Variants in ICA1 observed in about 807,000 individuals in gnomAD.
ICA1 encodes 69 kDa islet cell autoantigen.
ICA1 carries 40 observed loss-of-function variants against 71.0 expected under a neutral mutation model. That is an observed-to-expected ratio of 0.56 (90% CI 0.44 to 0.73). The LOEUF (loss-of-function observed/expected upper bound fraction) is 0.73. Ranked by LOEUF, ICA1 falls within the 30% of genes least tolerant of loss-of-function variation. The pLI, the probability that ICA1 is intolerant of heterozygous loss-of-function variation, is 0.00. For synonymous variants in ICA1, 207 were observed against 209.5 expected, an observed-to-expected ratio of 0.99 and a Z score of 0.10; for missense variants, 578 against 576.5, an observed-to-expected ratio of 1.00 and a Z score of -0.03.
intron 2 of ICA1, 28 bp downstream of exon 2, chr7:8,235,882 A>G (rs761402293): frequency 8.7e-6 from 14 of 1,608,754 alleles, no homozygotes; most frequent in Non-Finnish European, 1.2e-5. Flanking sequence ...CTACTTTCCC[A>G]ATTCAGAAAA....
chr7:8,122,894 G>A (rs776253143), intron 13 of ICA1, among the ~76,000 whole-genome samples: 1 of 152,214 alleles, frequency 6.6e-6, no homozygotes, highest in Non-Finnish European at 1.5e-5. Context: ...GCATTTATTT[G>A]AGCAGCTGGT....
chr7:8,212,701 G>A (rs932652359), intron 6 of ICA1, among the ~76,000 whole-genome samples: 2 of 152,170 alleles, frequency 1.3e-5, no homozygotes, highest in Admixed American at 6.5e-5. Context: ...CAGCAAGGGC[G>A]GGGACGGAGT....
At chr7:8,255,057 G>A (rs964600852) in intron 1 of ICA1, among the ~76,000 whole-genome samples, 2 of 152,154 alleles carry the variant, frequency 1.3e-5, no homozygotes, top group East Asian at 1.9e-4. Flanking sequence ...CCTGCTGTTC[G>A]CTTCCTTCTC....
intron 6 of ICA1, among the ~76,000 whole-genome samples, chr7:8,216,808 G>A (rs991727823): frequency 6.6e-6 from 1 of 152,086 alleles, no homozygotes; most frequent in Non-Finnish European, 1.5e-5. Flanking sequence ...CTCTGATCTT[G>A]GGCTAATTTC....
chr7:8,240,302 C>A (rs1461493394), intron 1 of ICA1, among the ~76,000 whole-genome samples: 1 of 152,080 alleles, frequency 6.6e-6, no homozygotes, highest in Non-Finnish European at 1.5e-5. Context: ...CCAGCAAACT[C>A]CAACAAACCT....
intron 6 of ICA1, among the ~76,000 whole-genome samples, chr7:8,163,216 C>A (rs546343926): frequency 1.3e-5 from 2 of 152,338 alleles, no homozygotes; most frequent in East Asian, 3.9e-4. Context: ...AATTCTAACT[C>A]TTAGCCCCAA....
intron 1 of ICA1, among the ~76,000 whole-genome samples, chr7:8,243,714 C>T (rs564908896): frequency 2.0e-5 from 3 of 152,332 alleles, no homozygotes; most frequent in Non-Finnish European, 2.9e-5. Context: ...GCAACTTCAG[C>T]AAAGTCTCAG....
At chr7:8,115,900 T>C (rs1372735861) in intron 13 of ICA1, among the ~76,000 whole-genome samples, 1 of 152,228 alleles carries the variant, frequency 6.6e-6, no homozygotes, top group Non-Finnish European at 1.5e-5. Context: ...CCCTATTTGG[T>C]GGTGGCAATG....
intron 13 of ICA1, among the ~76,000 whole-genome samples, chr7:8,114,382 T>G (rs1784117170): frequency 1.3e-5 from 2 of 152,214 alleles, no homozygotes; most frequent in South Asian, 4.1e-4. Flanking sequence ...GCATAGTTAT[T>G]TCAGAAATCA....
chr7:8,212,867 AC>A (rs1642309706), intron 6 of ICA1, among the ~76,000 whole-genome samples: 1 of 152,212 alleles, frequency 6.6e-6, no homozygotes, highest in African/African-American at 2.4e-5. Context: ...TTTGCTATTT[AC>A]CAAGTTCCAT....
rs151323218 is a variant in ICA1, at chr7:8,138,875, A to G, written c.1025T>C (p.Ile342Thr). The G allele has an allele frequency of 4.5e-5, 72 of 1,605,928 alleles. No individual in the cohort carries two copies. In the African/African-American group the frequency reaches 7.6e-4, roughly 17 times the overall value. The change falls in exon 12 of 14, where the codon ATA becomes ACA. Residue 342 changes from isoleucine to threonine, a missense_variant. Physicochemically the swap from Ile to Thr is moderately conservative, Grantham distance 89. Coordinates refer to ENST00000402384, the MANE Select transcript of ICA1 (RefSeq NM_001136020.3). ...GSTHTACSGPIDELLDMKSEE... is the reference protein window; with the variant it reads ...GSTHTACSGPTDELLDMKSEE... ...AGATTTCATGTCTAATAGTTCATCT[A>G]TGGGTCCTTTAGAGAAGAGGAAAGA...
rs3757512 is a variant in ICA1, at chr7:8,206,860, C to A, written c.579+11445G>T. ...TATTTCACATGCATTAATCTGTAGACTATTTTCCCCTATGGTCCCTCCTCT... is the reference window on the plus strand; with the variant it reads ...TATTTCACATGCATTAATCTGTAGAATATTTTCCCCTATGGTCCCTCCTCT... On this transcript the variant is annotated intron_variant, in intron 6 of 13. Coordinates refer to ENST00000402384, the MANE Select transcript of ICA1 (RefSeq NM_001136020.3). Among the ~76,000 whole-genome samples the A allele has an allele frequency of 1.2e-4, 19 of 152,142 alleles. No individual in the cohort carries two copies. The East Asian group carries it at 3.7e-3, about 29-fold the overall frequency.
intron 6 of ICA1, among the ~76,000 whole-genome samples, chr7:8,174,923 A>C (rs554191420): frequency 1.2e-3 from 186 of 152,274 alleles, no homozygotes; most frequent in African/African-American, 4.4e-3. Flanking sequence ...ATGAGTGAGA[A>C]AGACTTTAAA....
At position 8,164,590 on chromosome 7, in the gene ICA1, T is replaced by C. The variant is rs1432537618; in HGVS notation, c.580-5938A>G. On this transcript the variant is annotated intron_variant, in intron 6 of 13. Coordinates refer to ENST00000402384, the MANE Select transcript of ICA1 (RefSeq NM_001136020.3). ...GACACCTCAGACCACATCAGAAATC[T>C]TGGCCTTCTTCCCCAATCAGCTCTA... Among the ~76,000 whole-genome samples the C allele has an allele frequency of 2.0e-5, 3 of 152,184 alleles. No homozygotes were observed. In the East Asian group the frequency reaches 5.8e-4, roughly 29 times the overall value.
rs371554720 is a variant in ICA1, at chr7:8,127,977, G to C, written c.1226C>G (p.Thr409Ser). The C allele has an allele frequency of 2.0e-5, 32 of 1,614,082 alleles. No individual in the cohort carries two copies. The highest frequency in any genetic ancestry group is 8.0e-5 in the African/African-American group (6 of 74,926). ...GGGGTCTGGCTCTCCCAGGGCCATA[G>C]TGGGCACTGGCTCCTTCACTTGGCC... ...GDGQVKEPVP[T>S]MALGEPDPKA... The change falls in exon 13 of 14, where the codon ACT becomes AGT. Residue 409 changes from threonine to serine, a missense_variant. By Grantham distance (58) the Thr-to-Ser change is moderately conservative. Transcript: ENST00000402384.
chr7:8,119,236 T>C (rs1785850176), intron 13 of ICA1, among the ~76,000 whole-genome samples: 1 of 152,138 alleles, frequency 6.6e-6, no homozygotes, highest in Non-Finnish European at 1.5e-5. Context: ...CAGAGAGAAC[T>C]TGAACTGACT....
In ICA1 at chr7:8,223,313, T is replaced by C. The variant is rs1390086801; in HGVS notation, c.257-1915A>G. On this transcript the variant is annotated intron_variant, in intron 4 of 13. Coordinates refer to ENST00000402384, the MANE Select transcript of ICA1 (RefSeq NM_001136020.3). The surrounding 1 kb of genome is among the most constrained non-coding windows in gnomAD (Gnocchi z 4.1). The stretch of plus-strand genomic sequence containing the variant: ...TAGCTTAAGGCTAGGAAGAAACCAA[T>C]TTGTGGTACCTGAATAATTACATGG... 2.0e-5 allele frequency among the ~76,000 whole-genome samples: 3 copies of C among 152,212 alleles called. No homozygotes were observed. The highest frequency in any genetic ancestry group is 2.9e-5 in the Non-Finnish European group (2 of 68,038).
At chr7:8,169,922 G>GTGTGTGTA (rs1807661485) in intron 6 of ICA1, among the ~76,000 whole-genome samples, 1 of 151,664 alleles carries the variant, frequency 6.6e-6, no homozygotes, top group Non-Finnish European at 1.5e-5. Context: ...GTGTGTGTGT[G>GTGTGTGTA]TGTGTTTTAA....
intron 8 of ICA1, among the ~76,000 whole-genome samples, chr7:8,146,736 C>T (rs13242606): frequency 6.2e-3 from 146 of 23,718 alleles, no homozygotes; most frequent in East Asian, 0.023. Flanking sequence ...CGTGTGTGTG[C>T]GTGTGCGTGT....
Sources: gnomAD v4.1 joint callset for allele counts (sites outside exome capture counted in the v4.1 genomes callset) on GRCh38, gnomAD v4.1.1 for gene constraint, Gnocchi (gnomAD v3.1) non-coding constraint, MANE v1.5 for transcripts, NCBI Gene and HGNC (gene_info 2026-07-23, HGNC 2026-07-21) for gene names.